CLPB: variants seen among roughly 807,000 people sequenced by gnomAD.
CLPB encodes the protein mitochondrial disaggregase.
Under a neutral mutation model 78.4 loss-of-function variants are expected in CLPB, and 40 were observed. The observed-to-expected ratio is 0.51, with a 90% confidence interval of 0.40 to 0.66. CLPB has a LOEUF of 0.66. CLPB is among the 30% of genes least tolerant of loss of function. The probability of loss-of-function intolerance (pLI) is 0.00; values close to 1 mark genes in which losing one functional copy is unlikely to be tolerated. For missense variants in CLPB, 780 were observed against 886.9 expected (o/e 0.88, Z 1.53); for synonymous variants, 333 against 348.0 (o/e 0.96, Z 0.48).
intron 7 of CLPB, among the ~76,000 whole-genome samples, chr11:72,314,824 G>A (rs532745882): frequency 8.5e-5 from 13 of 152,230 alleles, no homozygotes; most frequent in African/African-American, 2.9e-4. Context: ...CAGAGTATGT[G>A]CAGAGAGGCA....
At chr11:72,294,804 G>T in intron 12 of CLPB, 111 bp from the exon 13 acceptor site, 1 of 918,922 alleles carries the variant, frequency 1.1e-6, no homozygotes, top group Non-Finnish European at 1.8e-6. Flanking sequence ...CCATCTGTGT[G>T]GTCCTGGTCA....
intron 2 of CLPB, among the ~76,000 whole-genome samples, chr11:72,405,894 C>T (rs1001330205): frequency 7.3e-5 from 11 of 151,208 alleles, no homozygotes; most frequent in East Asian, 2.0e-4. Context: ...CACCACTGCA[C>T]GCCAGCCCGG....
chr11:72,393,633 T>C (rs1041643229), intron 3 of CLPB, among the ~76,000 whole-genome samples: 2 of 152,154 alleles, frequency 1.3e-5, no homozygotes, highest in Non-Finnish European at 2.9e-5. Flanking sequence ...GCCTTGACTA[T>C]TTCCATCTCC....
intron 11 of CLPB, among the ~76,000 whole-genome samples, chr11:72,300,032 CG>C (rs1377424042): frequency 1.5e-4 from 23 of 152,158 alleles, no homozygotes; most frequent in African/African-American, 4.8e-4. Flanking sequence ...CCTCCCTCAG[CG>C]GCATGGTCCC....
chr11:72,419,914 C>T (rs191950566), intron 2 of CLPB, among the ~76,000 whole-genome samples: 239 of 152,306 alleles, frequency 1.6e-3, no homozygotes, highest in Non-Finnish European at 1.3e-3. Context: ...TACTGATCTA[C>T]CAAGCACAGT....
At chr11:72,353,362 G>GTGACTGAAAAGGAAGTGGCATTA (rs1295674027) in intron 5 of CLPB, among the ~76,000 whole-genome samples, 1 of 152,204 alleles carries the variant, frequency 6.6e-6, no homozygotes, top group Non-Finnish European at 1.5e-5. Flanking sequence ...GAGAGCACCA[G>GTGACTGAAAAGGAAGTGGCATTA]TGACTGAAAA....
rs75399796 is a variant in CLPB, at chr11:72,418,108, G to C, written c.455+12204C>G. ...CATGAATGGAGGATCCTGGAGACCA[G>C]TCAGCCTGCCCAGCTGCTGCCTAGG... On this transcript the variant is annotated intron_variant, in intron 2 of 15. Coordinates refer to ENST00000538039, the MANE Select transcript of CLPB (RefSeq NM_001258392.3). Among the ~76,000 whole-genome samples, 329 of 152,338 alleles carry C rather than the reference G, an allele frequency of 2.2e-3. 1 individual carries two copies. Among genetic ancestry groups the C allele is most frequent in the African/African-American group, 7.4e-3 (309 of 41,562 alleles).
chr11:72,335,986 C>T (rs578161264), intron 5 of CLPB, among the ~76,000 whole-genome samples: 29 of 152,178 alleles, frequency 1.9e-4, no homozygotes, highest in African/African-American at 6.3e-4. Context: ...GGTCAGGCCC[C>T]GGTACCCTCT....
At chr11:72,336,843 G>C (rs1950331364) in intron 5 of CLPB, 1 of 372,370 alleles carries the variant, frequency 2.7e-6, no homozygotes, top group Admixed American at 4.6e-5. Context: ...CCACATATGA[G>C]CAGCCATGCA....
At chr11:72,338,812 G>C (rs886979131) in intron 5 of CLPB, among the ~76,000 whole-genome samples, 1 of 152,254 alleles carries the variant, frequency 6.6e-6, no homozygotes, top group Non-Finnish European at 1.5e-5. Context: ...CAGAAGCCAA[G>C]TCATGCCAGA....
intron 6 of CLPB, among the ~76,000 whole-genome samples, chr11:72,327,428 A>C (rs1198502903): frequency 6.6e-6 from 1 of 152,200 alleles, no homozygotes; most frequent in African/African-American, 2.4e-5. Flanking sequence ...GAAGGGTCTG[A>C]CTGGCACAGG....
Position 72,312,836 on chromosome 11 carries a change from T to A in CLPB, c.989-4232A>T, listed in dbSNP as rs1198469735. ...CGTGCCATAGAGGTAAAGGCTGCTA[T>A]GAAAACTGTGGGCTCCAAACGGGAT... On this transcript the variant is annotated intron_variant, in intron 7 of 15. Coordinates refer to ENST00000538039, the MANE Select transcript of CLPB (RefSeq NM_001258392.3). The surrounding 1 kb of genome is among the most constrained non-coding windows in gnomAD (Gnocchi z 4.2). Among the ~76,000 whole-genome samples the A allele has an allele frequency of 6.6e-6, 1 of 152,188 alleles. No homozygotes were observed. Among genetic ancestry groups the A allele is most frequent in the East Asian group, 1.9e-4 (1 of 5,196 alleles).
chr11:72,313,773 C>T (rs1489391772), intron 7 of CLPB, among the ~76,000 whole-genome samples: 1 of 152,184 alleles, frequency 6.6e-6, no homozygotes, highest in Non-Finnish European at 1.5e-5. Flanking sequence ...GCATCCTTCA[C>T]CTCAAGCATT....
intron 5 of CLPB, among the ~76,000 whole-genome samples, chr11:72,353,989 T>C (rs577090363): frequency 6.6e-6 from 1 of 152,222 alleles, no homozygotes; most frequent in East Asian, 1.9e-4. Context: ...ACAGAGACTA[T>C]ATATAAAGTA....
In CLPB at chr11:72,348,909, G is replaced by A. The variant is rs144616191; in HGVS notation, c.775+9971C>T. ...ACCTCAGATCCACATCCTATCTTCT[G>A]TGAACTCACTGTTAAGTGAAGGAGA... is the stretch of plus-strand genomic sequence containing the variant. On this transcript the variant is annotated intron_variant, in intron 5 of 15. Coordinates refer to ENST00000538039, the MANE Select transcript of CLPB (RefSeq NM_001258392.3). Among the ~76,000 whole-genome samples, 398 of 152,314 alleles carry A rather than the reference G, an allele frequency of 2.6e-3. 2 individuals are homozygous for A. Among genetic ancestry groups the A allele is most frequent in the African/African-American group, 9.1e-3 (379 of 41,570 alleles).
intron 1 of CLPB, among the ~76,000 whole-genome samples, chr11:72,432,415 G>A (rs999741634): frequency 1.3e-5 from 2 of 152,080 alleles, no homozygotes; most frequent in East Asian, 3.9e-4. Context: ...TCATCCTTCA[G>A]AACTCAAGTT....
At chr11:72,369,636 A>G (rs1016856920) in intron 4 of CLPB, among the ~76,000 whole-genome samples, 8 of 152,190 alleles carry the variant, frequency 5.3e-5, no homozygotes, top group Admixed American at 3.9e-4. Flanking sequence ...AAAAACAAAT[A>G]CAAAATGCTG....
intron 5 of CLPB, among the ~76,000 whole-genome samples, chr11:72,341,504 A>G (rs1950419629): frequency 6.6e-6 from 1 of 152,250 alleles, no homozygotes; most frequent in African/African-American, 2.4e-5. Flanking sequence ...CAACCATGGA[A>G]AGTTATACAT....
chr11:72,334,235 A>G (rs1019269478), intron 5 of CLPB, among the ~76,000 whole-genome samples: 3 of 152,126 alleles, frequency 2.0e-5, no homozygotes, highest in African/African-American at 7.2e-5. Context: ...CTCATAAAGG[A>G]TGGGATGGGG....
Sources: allele counts gnomAD v4.1 joint callset (sites outside exome capture counted in the v4.1 genomes callset), GRCh38; gene constraint gnomAD v4.1.1; non-coding constraint Gnocchi (gnomAD v3.1); transcripts MANE v1.5; gene names NCBI Gene and HGNC (gene_info 2026-07-23, HGNC 2026-07-21).